Variants in ZNF462 observed in about 807,000 individuals in gnomAD.
ZNF462 encodes zinc finger protein 462.
Under a neutral mutation model 201.9 loss-of-function variants are expected in ZNF462, and 10 were observed. That is an observed-to-expected ratio of 0.05 (90% CI 0.03 to 0.08). ZNF462 has a LOEUF of 0.08. ZNF462 is among the 10% of genes least tolerant of loss of function. The probability of loss-of-function intolerance (pLI) is 1.00; values close to 1 mark genes in which losing one functional copy is unlikely to be tolerated. For missense variants in ZNF462, 2,523 were observed against 3,168.3 expected, an observed-to-expected ratio of 0.80 and a Z score of 4.89; for synonymous variants, 1,227 against 1,193.3, an observed-to-expected ratio of 1.03 and a Z score of -0.58.
upstream of ZNF462, among the ~76,000 whole-genome samples, chr9:106,861,363 C>T (rs568748825): frequency 5.8e-4 from 89 of 152,244 alleles, no homozygotes; most frequent in African/African-American, 2.1e-3. Flanking sequence ...TATATCTTCT[C>T]GGACTGTTGC....
chr9:106,924,183 G>A lies in ZNF462; in HGVS notation c.271G>A (p.Gly91Arg), dbSNP rs1370507039. 2 of 1,614,032 alleles carry A rather than the reference G, an allele frequency of 1.2e-6. No individual in the cohort carries two copies. The highest frequency in any genetic ancestry group is 1.7e-6 in the Non-Finnish European group (2 of 1,179,992). ...CGGAGGTTACTATGGCCACAGTCCA[G>A]GATATTATGGTCAGCATATTGCCGC... ...GTGGYYGHSP[G>R]YYGQHIAANP... The change falls in exon 3 of 13, where the codon GGA becomes AGA. Residue 91 changes from glycine to arginine, a missense_variant. This residue lies in a region of ZNF462 where 480 missense variants were observed against 544.4 expected (regional missense o/e 0.88). Coordinates refer to ENST00000277225, the MANE Select transcript of ZNF462 (RefSeq NM_021224.6). This position sits in a 1 kb window ranked among gnomAD's most constrained non-coding sequence, Gnocchi z 6.2.
chr9:106,991,153 G>T (rs80046973), intron 10 of ZNF462, among the ~76,000 whole-genome samples: 3,283 of 151,942 alleles, frequency 0.022, 111 homozygotes, highest in African/African-American at 0.075. Flanking sequence ...TTTATAGGGA[G>T]AAAATCCGCA....
In ZNF462 at chr9:107,010,423, T is replaced by G. The variant is rs899411424; in HGVS notation, c.7314-400T>G. 7.2e-5 allele frequency among the ~76,000 whole-genome samples: 11 copies of G among 152,164 alleles called. No individual in the cohort carries two copies. Among genetic ancestry groups the G allele is most frequent in the Non-Finnish European group, 1.5e-4 (10 of 68,034 alleles). On this transcript the variant is annotated intron_variant, in intron 12 of 12. Transcript: ENST00000277225. The surrounding 1 kb of genome is among the most constrained non-coding windows in gnomAD (Gnocchi z 4.6). ...TAGTACCTGAGTTACTCTTTTAGAC[T>G]TCATAAATATAACCAATCTCCAAGC...
At position 106,930,874 on chromosome 9, in the gene ZNF462, G is replaced by T; in HGVS notation, c.6012+185G>T. 2 of 659,798 alleles carry T rather than the reference G, an allele frequency of 3.0e-6. No homozygotes were observed. The highest frequency in any genetic ancestry group is 3.0e-5 in the East Asian group (1 of 32,842). 40.9% of individuals were successfully genotyped at this position (659,798 alleles called of 1,614,324 possible). On this transcript the variant is annotated intron_variant, in intron 4 of 12. Coordinates refer to ENST00000277225, the MANE Select transcript of ZNF462 (RefSeq NM_021224.6). This position sits in a 1 kb window ranked among gnomAD's most constrained non-coding sequence, Gnocchi z 5.8. ...GACCTTCCTCATCTTTCTGTTCAGGGAAAGGTCGAGTTTCGATCTGGTTTC... is the reference window on the plus strand; with the variant it reads ...GACCTTCCTCATCTTTCTGTTCAGGTAAAGGTCGAGTTTCGATCTGGTTTC...
At chr9:106,940,872 G>T (rs138215127) in intron 7 of ZNF462, among the ~76,000 whole-genome samples, 238 of 152,266 alleles carry the variant, frequency 1.6e-3, no homozygotes, top group African/African-American at 5.4e-3. Flanking sequence ...ACCAGGAAAG[G>T]TTGGTATATT....
upstream of ZNF462, among the ~76,000 whole-genome samples, chr9:106,860,398 G>A (rs1403608598): frequency 2.0e-5 from 3 of 152,110 alleles, no homozygotes; most frequent in Non-Finnish European, 4.4e-5. This position sits in a 1 kb window ranked among gnomAD's most constrained non-coding sequence, Gnocchi z 7.1. Context: ...CCCGACTGCG[G>A]GAAGCCCTTT....
At chr9:106,956,837 C>T (rs1204774755) in intron 7 of ZNF462, among the ~76,000 whole-genome samples, 2 of 152,176 alleles carry the variant, frequency 1.3e-5, no homozygotes, top group African/African-American at 4.8e-5. Context: ...CCAGCTCTGT[C>T]ACCTCTCTTA....
At position 106,932,201 on chromosome 9, in the gene ZNF462, A is replaced by G; in HGVS notation, c.6013-245A>G. ...AATGTAGGGAGAAAAAGAAAGCTGG[A>G]GGCAATGATGATGGATATTTATTTT... On this transcript the variant is annotated intron_variant, in intron 4 of 12. Transcript: ENST00000277225. This position sits in a 1 kb window ranked among gnomAD's most constrained non-coding sequence, Gnocchi z 6.8. The G allele has an allele frequency of 1.3e-6, 2 of 1,538,396 alleles. No individual in the cohort carries two copies. The highest frequency in any genetic ancestry group is 1.7e-6 in the Non-Finnish European group (2 of 1,143,656).
Position 106,924,074 on chromosome 9 carries a change from C to T in ZNF462, c.221-59C>T. ...GAATAATTGGAATGGTACTGATTTGCATGATTGGATATTTTAATTATCTTT... is the reference window on the plus strand; with the variant it reads ...GAATAATTGGAATGGTACTGATTTGTATGATTGGATATTTTAATTATCTTT... On this transcript the variant is annotated intron_variant, in intron 2 of 12. Transcript: ENST00000277225. The surrounding 1 kb of genome is among the most constrained non-coding windows in gnomAD (Gnocchi z 6.2). 2.2e-6 allele frequency: 3 copies of T among 1,388,514 alleles called. No homozygotes were observed. Among genetic ancestry groups the T allele is most frequent in the Non-Finnish European group, 2.0e-6 (2 of 1,015,954 alleles). 86.0% of individuals were successfully genotyped at this position (1,388,514 alleles called of 1,614,324 possible). A position where few individuals can be genotyped will look rare whatever the true frequency, so the allele number is the denominator to read the frequency against.
intron 1 of ZNF462, among the ~76,000 whole-genome samples, chr9:106,864,039 G>GCTCGCGCTCTCTCTCTCTCTCT: frequency 4.4e-5 from 1 of 22,760 alleles, no homozygotes; most frequent in Non-Finnish European, 1.0e-4. Flanking sequence ...CAGGTATTTG[G>GCTCGCGCTCTCTCTCTCTCTCT]CTCTCTCTCT....
chr9:106,997,131 G>A (rs1352220598), intron 10 of ZNF462, among the ~76,000 whole-genome samples: 1 of 151,980 alleles, frequency 6.6e-6, no homozygotes, highest in Non-Finnish European at 1.5e-5. Context: ...CTTTATTGAG[G>A]TATAATTGAT....
chr9:106,975,409 T>C (rs1826923973), intron 9 of ZNF462: 1 of 152,232 alleles, frequency 6.6e-6, no homozygotes, highest in Non-Finnish European at 1.5e-5. Flanking sequence ...CCATTGCCTT[T>C]GGCCAATACA....
intron 1 of ZNF462, among the ~76,000 whole-genome samples, chr9:106,877,996 A>C (rs568795829): frequency 2.6e-5 from 4 of 152,280 alleles, no homozygotes; most frequent in African/African-American, 9.6e-5. Flanking sequence ...AAGGTTGTCC[A>C]GTTGTTTACT....
chr9:106,908,941 ATTTTTTTTTTTTTTTTTTTTTTTTT>A (rs1163695505), intron 1 of ZNF462, among the ~76,000 whole-genome samples: 2 of 25,336 alleles, frequency 7.9e-5, no homozygotes, highest in Non-Finnish European at 1.3e-4. Flanking sequence ...ATATATATAT[ATTTTTTTTTTTTTTTTTTTTTTTTT>A]TTTTTTTTTT....
Position 106,929,357 on chromosome 9 carries a change from T to A in ZNF462, c.5445T>A (p.His1815Gln). ...GYFTAVYADE[H>Q]EKPTLMEEEE... ...TCACGGCCGTCTATGCAGATGAGCATGAGAAGCCCACACTGATGGAAGAAG... is the reference window on the plus strand; with the variant it reads ...TCACGGCCGTCTATGCAGATGAGCAAGAGAAGCCCACACTGATGGAAGAAG... The change falls in exon 3 of 13, where the codon CAT (histidine) becomes CAA (glutamine). Residue 1815 changes from histidine to glutamine, a missense_variant. This residue lies in a region of ZNF462 where 207 missense variants were observed against 231.6 expected (regional missense o/e 0.89). Transcript: ENST00000277225. This position sits in a 1 kb window ranked among gnomAD's most constrained non-coding sequence, Gnocchi z 8.7. 6.2e-7 allele frequency: 1 copy of A among 1,614,028 alleles called. No homozygotes were observed. The highest frequency in any genetic ancestry group is 8.5e-7 in the Non-Finnish European group (1 of 1,180,022).
Position 106,925,745 on chromosome 9 carries a change from T to C in ZNF462, c.1833T>C (p.Thr611=). Residue 611 remains threonine, a synonymous_variant, in exon 3 of 13, where the codon ACT becomes ACC. Coordinates refer to ENST00000277225, the MANE Select transcript of ZNF462 (RefSeq NM_021224.6). This position sits in a 1 kb window ranked among gnomAD's most constrained non-coding sequence, Gnocchi z 7.9. ...CCATGTGTAATTACTCCACCACAAC[T>C]CTGAAAGGGCTAAGAGTCCATCAGC... ...KCTMCNYSTT[T]LKGLRVHQQH... is the part of the protein sequence containing the mutation. 1 of 1,614,056 alleles carries C rather than the reference T, an allele frequency of 6.2e-7. No homozygotes were observed. The highest frequency in any genetic ancestry group is 8.5e-7 in the Non-Finnish European group (1 of 1,180,012).
chr9:106,887,149 G>A (rs1199721574), intron 1 of ZNF462, among the ~76,000 whole-genome samples: 2 of 152,190 alleles, frequency 1.3e-5, no homozygotes, highest in East Asian at 3.9e-4. Context: ...CTAAGTTGTT[G>A]AGTAGCAGTT....
chr9:106,925,739 C>T lies in ZNF462; in HGVS notation c.1827C>T (p.Thr609=), dbSNP rs756917526. 6.2e-7 allele frequency: 1 copy of T among 1,614,058 alleles called. No homozygotes were observed. Among genetic ancestry groups the T allele is most frequent in the African/African-American group, 1.3e-5 (1 of 74,912 alleles). Residue 609 remains threonine (T), a synonymous_variant, in exon 3 of 13, where the codon ACC becomes ACT. Transcript: ENST00000277225. The surrounding 1 kb of genome is among the most constrained non-coding windows in gnomAD (Gnocchi z 7.9). The part of the protein sequence containing the change: ...PYKCTMCNYS[T]TTLKGLRVHQ... Reference sequence around the variant, plus strand: ...AATGCACCATGTGTAATTACTCCACCACAACTCTGAAAGGGCTAAGAGTCC... The same window carrying T: ...AATGCACCATGTGTAATTACTCCACTACAACTCTGAAAGGGCTAAGAGTCC...
intron 1 of ZNF462, among the ~76,000 whole-genome samples, chr9:106,903,710 A>C (rs1829152850): frequency 6.6e-6 from 1 of 152,240 alleles, no homozygotes; most frequent in Non-Finnish European, 1.5e-5. Context: ...CTGTTGCTTT[A>C]AAGTTTGTTT....
Sources: allele counts gnomAD v4.1 joint callset (sites outside exome capture counted in the v4.1 genomes callset), GRCh38; gene constraint gnomAD v4.1.1; regional missense constraint gnomAD v4.1.1; non-coding constraint Gnocchi (gnomAD v3.1); transcripts MANE v1.5; gene names NCBI Gene and HGNC (gene_info 2026-07-23, HGNC 2026-07-21).